The following CYP39A1 variants were observed in gnomAD, a reference collection of about 807,000 sequenced individuals.
CYP39A1 encodes the protein cytochrome P450 family 39 subfamily A member 1.
Under a neutral mutation model 58.1 loss-of-function variants are expected in CYP39A1, and 49 were observed. The observed-to-expected ratio is 0.84, with a 90% CI of 0.67 to 1.07. CYP39A1 has a LOEUF of 1.07. CYP39A1 is among the 50% of genes least tolerant of loss of function. The pLI is 0.00. For synonymous variants in CYP39A1, 209 were observed against 187.6 expected, an observed-to-expected ratio of 1.11 and a Z score of -0.93; for missense variants, 531 against 539.4, an observed-to-expected ratio of 0.98 and a Z score of 0.16.
At chr6:46,618,093 A>C (rs1201048314) in intron 7 of CYP39A1, among the ~76,000 whole-genome samples, 1 of 152,186 alleles carries the variant, frequency 6.6e-6, no homozygotes, top group Non-Finnish European at 1.5e-5. Context: ...GGAGGATTAT[A>C]AAATTTCATA....
intron 1 of CYP39A1, among the ~76,000 whole-genome samples, chr6:46,650,824 T>C (rs1433470576): frequency 6.6e-6 from 1 of 152,114 alleles, no homozygotes; most frequent in Non-Finnish European, 1.5e-5. Flanking sequence ...CAATAACTTG[T>C]TTTGTTTAGT....
chr6:46,639,351 A>T (rs1379024145), intron 3 of CYP39A1, 143 bp downstream of exon 3: 11 of 766,618 alleles, frequency 1.4e-5, no homozygotes, highest in South Asian at 8.4e-5. Flanking sequence ...AAAATAATTT[A>T]AAAGATTAAA....
intron 10 of CYP39A1, among the ~76,000 whole-genome samples, chr6:46,568,176 A>G (rs1467712001): frequency 6.6e-6 from 1 of 152,034 alleles, no homozygotes; most frequent in Non-Finnish European, 1.5e-5. Context: ...GCATCTTTTC[A>G]TGTGCTTACT....
At chr6:46,620,016 A>C (rs1177851946) in intron 7 of CYP39A1, among the ~76,000 whole-genome samples, 2 of 152,194 alleles carry the variant, frequency 1.3e-5, no homozygotes, top group Non-Finnish European at 1.5e-5. Flanking sequence ...AAAAGCAATA[A>C]GAAATTTGGT....
rs1200988151 is a variant in CYP39A1, at chr6:46,616,100, C to CCTTT, written c.931+9314_931+9317dup. On this transcript the variant is annotated intron_variant, in intron 7 of 11. Coordinates refer to ENST00000275016, the MANE Select transcript of CYP39A1 (RefSeq NM_016593.5). ...CCCTCCATCCCTCCCTCCCTTCTTT[C>CCTTT]CTTTCTTTCTTTCTCTTTCTTTTCT... Among the ~76,000 whole-genome samples the CCTTT allele has an allele frequency of 1.5e-5, 2 of 136,302 alleles. 1 individual carries two copies. Among genetic ancestry groups the CCTTT allele is most frequent in the Non-Finnish European group, 3.2e-5 (2 of 63,370 alleles). The allele number at this position is 136,302 out of a possible 152,430, so 89.4% of individuals were successfully genotyped here.
intron 10 of CYP39A1, chr6:46,583,379 C>G: frequency 4.1e-6 from 4 of 985,340 alleles, no homozygotes; most frequent in Non-Finnish European, 4.8e-6. Context: ...ACAGGTATAG[C>G]AAGCACATCC....
intron 10 of CYP39A1, among the ~76,000 whole-genome samples, chr6:46,570,401 C>T (rs974950972): frequency 6.6e-6 from 1 of 151,868 alleles, no homozygotes; most frequent in East Asian, 1.9e-4. Context: ...TTATCTAGTT[C>T]CTTGAGGTGT....
Position 46,562,695 on chromosome 6 carries a change from G to C in CYP39A1, c.1251-8841C>G, listed in dbSNP as rs149705562. ...TTAGAAAAAATCTGTAGAGAAAGTA[G>C]AATGAGGAACAGAATGAATAATAAA... On this transcript the variant is annotated intron_variant, in intron 10 of 11. Coordinates refer to ENST00000275016, the MANE Select transcript of CYP39A1 (RefSeq NM_016593.5). Among the ~76,000 whole-genome samples the C allele has an allele frequency of 5.7e-4, 87 of 151,954 alleles. No homozygotes were observed. The East Asian group carries it at 8.7e-3, about 15-fold the overall frequency.
In CYP39A1 at chr6:46,581,340, GT is replaced by G. The variant is rs1407239040; in HGVS notation, c.1250+5736del. Among the ~76,000 whole-genome samples, 5 of 151,844 alleles carry G rather than the reference GT, an allele frequency of 3.3e-5. No individual in the cohort carries two copies. In the East Asian group the frequency reaches 5.8e-4, roughly 18 times the overall value. ...GCAGGAGGATGCTTGAGCACAGGAG[GT>G]TGAAGCTACAGTGAGCTATGATCAC... is the stretch of plus-strand genomic sequence containing the variant. On this transcript the variant is annotated intron_variant, in intron 10 of 11. Coordinates refer to ENST00000275016, the MANE Select transcript of CYP39A1 (RefSeq NM_016593.5).
At chr6:46,580,803 C>T (rs1443106219) in intron 10 of CYP39A1, among the ~76,000 whole-genome samples, 2 of 152,106 alleles carry the variant, frequency 1.3e-5, no homozygotes, top group African/African-American at 4.8e-5. Flanking sequence ...AATGAGATAA[C>T]GTCTCACATC....
intron 9 of CYP39A1, among the ~76,000 whole-genome samples, 174 bp downstream of exon 9, chr6:46,587,860 G>T (rs1214484845): frequency 6.6e-6 from 1 of 152,104 alleles, no homozygotes; most frequent in Non-Finnish European, 1.5e-5. Flanking sequence ...ATTTGTAAAT[G>T]TTGCACTATC....
chr6:46,581,387 G>A (rs1772124886), intron 10 of CYP39A1, among the ~76,000 whole-genome samples: 1 of 147,636 alleles, frequency 6.8e-6, no homozygotes, highest in Admixed American at 6.8e-5. Context: ...TTTAGCCTGG[G>A]CAACAGGGCC....
chr6:46,612,840 A>G (rs1460498849), intron 7 of CYP39A1, among the ~76,000 whole-genome samples: 2 of 152,230 alleles, frequency 1.3e-5, no homozygotes, highest in African/African-American at 4.8e-5. Flanking sequence ...TTTGGCCATC[A>G]GCCATTGGGC....
At chr6:46,611,474 C>A (rs1002431414) in intron 7 of CYP39A1, among the ~76,000 whole-genome samples, 1 of 152,180 alleles carries the variant, frequency 6.6e-6, no homozygotes, top group Non-Finnish European at 1.5e-5. Context: ...TCAGTACGTG[C>A]ACATATTAAA....
At chr6:46,617,253 T>A (rs892487176) in intron 7 of CYP39A1, among the ~76,000 whole-genome samples, 1 of 152,210 alleles carries the variant, frequency 6.6e-6, no homozygotes, top group African/African-American at 2.4e-5. Context: ...TTTTCTCTAA[T>A]CTATAAGTTT....
At chr6:46,609,665 T>G (rs1774088707) in intron 7 of CYP39A1, among the ~76,000 whole-genome samples, 1 of 152,140 alleles carries the variant, frequency 6.6e-6, no homozygotes, top group African/African-American at 2.4e-5. Flanking sequence ...ATGTAAAATA[T>G]AAGCTATTCC....
At chr6:46,642,468 A>G (rs1003676838) in intron 1 of CYP39A1, among the ~76,000 whole-genome samples, 170 bp from the exon 2 acceptor site, 1 of 152,178 alleles carries the variant, frequency 6.6e-6, no homozygotes, top group Non-Finnish European at 1.5e-5. Flanking sequence ...TGAATTATAT[A>G]CATTTTAATT....
At chr6:46,648,449 G>A (rs1377343588) in intron 1 of CYP39A1, among the ~76,000 whole-genome samples, 13 of 142,898 alleles carry the variant, frequency 9.1e-5, no homozygotes, top group African/African-American at 2.4e-4. Flanking sequence ...ACTCATAGGC[G>A]GGAATTGAAC....
chr6:46,605,286 T>G (rs1406303591), intron 7 of CYP39A1, among the ~76,000 whole-genome samples: 1 of 152,168 alleles, frequency 6.6e-6, no homozygotes, highest in Non-Finnish European at 1.5e-5. Flanking sequence ...GAAAGGCAAC[T>G]GGGGCTGCCA....
Sources: gnomAD v4.1 joint callset for allele counts (sites outside exome capture counted in the v4.1 genomes callset) on GRCh38, gnomAD v4.1.1 for gene constraint, MANE v1.5 for transcripts, NCBI Gene and HGNC (gene_info 2026-07-23, HGNC 2026-07-21) for gene names.